ADGRL3: variants seen among roughly 807,000 people sequenced by gnomAD.
ADGRL3 encodes calcium-independent alpha-latrotoxin receptor 3.
A neutral mutation model predicts 153.5 loss-of-function variants in ADGRL3; 62 were observed. The observed-to-expected ratio is 0.40, with a 90% CI of 0.33 to 0.50. The LOEUF (loss-of-function observed/expected upper bound fraction) is 0.50. ADGRL3 is among the 20% of genes least tolerant of loss of function. The pLI, the probability that ADGRL3 is intolerant of heterozygous loss-of-function variation, is 0.47. For synonymous variants in ADGRL3, 710 were observed against 672.5 expected (o/e 1.06, Z -0.86); for missense variants, 1,641 against 1,859.4 (o/e 0.88, Z 2.16).
intron 11 of ADGRL3, 61 bp downstream of exon 11, chr4:61,895,895 AGCTGTTGG>A: frequency 1.1e-6 from 1 of 897,296 alleles, no homozygotes; most frequent in Admixed American, 3.2e-5. Flanking sequence ...TGTTGATGAT[AGCTGTTGG>A]AAAAAAAACA....
intron 1 of ADGRL3, among the ~76,000 whole-genome samples, chr4:61,227,742 A>G (rs1748636374): frequency 1.3e-5 from 2 of 152,206 alleles, no homozygotes; most frequent in Admixed American, 6.5e-5. Flanking sequence ...TCAAAGGGTA[A>G]TAAGCCATTA....
At chr4:62,028,214 T>G (rs1016306332) in intron 21 of ADGRL3, among the ~76,000 whole-genome samples, 5 of 152,028 alleles carry the variant, frequency 3.3e-5, no homozygotes, top group Admixed American at 2.6e-4. Flanking sequence ...CCAAATGATA[T>G]TAAAAAATTA....
chr4:61,451,034 A>G (rs2097667176), intron 2 of ADGRL3, among the ~76,000 whole-genome samples: 1 of 152,138 alleles, frequency 6.6e-6, no homozygotes, highest in Non-Finnish European at 1.5e-5. Flanking sequence ...CCATTTTGTG[A>G]GCACTTACTG....
chr4:61,358,960 T>A (rs2096240320), intron 1 of ADGRL3, among the ~76,000 whole-genome samples: 1 of 152,178 alleles, frequency 6.6e-6, no homozygotes, highest in Non-Finnish European at 1.5e-5. Context: ...CCAACTAATA[T>A]GTCCAAAGCT....
chr4:62,015,058 T>C (rs1187711665), intron 21 of ADGRL3, among the ~76,000 whole-genome samples: 1 of 152,174 alleles, frequency 6.6e-6, no homozygotes, highest in Non-Finnish European at 1.5e-5. Flanking sequence ...GACAAAAGAC[T>C]GTATTAAATC....
At chr4:61,813,735 T>TATCA in intron 8 of ADGRL3, 74 bp from the exon 9 acceptor site, 1 of 1,552,464 alleles carries the variant, frequency 6.4e-7, no homozygotes, top group Non-Finnish European at 8.8e-7. Context: ...AATAGTGTTA[T>TATCA]ATCATAAAAA....
At chr4:61,370,676 T>C (rs1020241459) in intron 1 of ADGRL3, among the ~76,000 whole-genome samples, 2 of 151,852 alleles carry the variant, frequency 1.3e-5, no homozygotes, top group African/African-American at 4.8e-5. Flanking sequence ...GGAATAGGTG[T>C]GGTATGGTGC....
At chr4:61,986,491 C>T (rs1325755622) in intron 19 of ADGRL3, among the ~76,000 whole-genome samples, 1 of 152,052 alleles carries the variant, frequency 6.6e-6, no homozygotes, top group Non-Finnish European at 1.5e-5. Flanking sequence ...AAGCTTTGGC[C>T]ATCATTGCTT....
intron 8 of ADGRL3, among the ~76,000 whole-genome samples, chr4:61,790,086 G>A (rs928407866): frequency 2.6e-5 from 4 of 152,128 alleles, no homozygotes; most frequent in Non-Finnish European, 5.9e-5. Flanking sequence ...TGTTTTTATA[G>A]CAAAGTTAAC....
intron 2 of ADGRL3, among the ~76,000 whole-genome samples, chr4:61,446,818 C>T (rs1396581333): frequency 6.6e-6 from 1 of 152,094 alleles, no homozygotes; most frequent in Non-Finnish European, 1.5e-5. Flanking sequence ...GTTTTTGAAC[C>T]TGTACCCATT....
At chr4:61,753,264 C>T (rs373677580) in intron 8 of ADGRL3, among the ~76,000 whole-genome samples, 3 of 148,526 alleles carry the variant, frequency 2.0e-5, no homozygotes, top group South Asian at 4.3e-4. Flanking sequence ...AAAAAGATAA[C>T]TGGTTAGAAC....
At chr4:61,886,927 G>A (rs1028510481) in intron 9 of ADGRL3, among the ~76,000 whole-genome samples, 16 of 151,652 alleles carry the variant, frequency 1.1e-4, no homozygotes, top group East Asian at 5.8e-4. Flanking sequence ...GAGTACAGGC[G>A]TGAACCACTA....
At chr4:61,896,690 C>A (rs2098633592) in intron 11 of ADGRL3, among the ~76,000 whole-genome samples, 1 of 152,174 alleles carries the variant, frequency 6.6e-6, no homozygotes, top group African/African-American at 2.4e-5. Context: ...TACCCTAAAT[C>A]ATGGAAGAAT....
intron 2 of ADGRL3, among the ~76,000 whole-genome samples, chr4:61,494,580 T>C (rs1269831217): frequency 6.6e-6 from 1 of 152,184 alleles, no homozygotes; most frequent in African/African-American, 2.4e-5. Context: ...TGAGAATAGA[T>C]TTTCAGGTTT....
rs869176171 is a variant in ADGRL3 at position 61,391,855 on chromosome 4, C to CTTTTTTTTTTTTTTTTTTTT, written c.-174+8669_-174+8688dup. Among the ~76,000 whole-genome samples the CTTTTTTTTTTTTTTTTTTTT allele has an allele frequency of 7.5e-5, 7 of 93,656 alleles. 2 individuals carry two copies. Among genetic ancestry groups the CTTTTTTTTTTTTTTTTTTTT allele is most frequent in the Non-Finnish European group, 1.2e-4 (6 of 49,102 alleles). 61.4% of individuals were successfully genotyped at this position (93,656 alleles called of 152,430 possible). The stretch of plus-strand genomic sequence containing the variant: ...AAAATTATCCAAGTGAAAAATGCTA[C>CTTTTTTTTTTTTTTTTTTTT]TTTTTTTTTTTTTTTTTTTTTTGAG... On this transcript the variant is annotated intron_variant, in intron 2 of 26. Coordinates refer to ENST00000683033, the MANE Select transcript of ADGRL3 (RefSeq NM_001387552.1).
chr4:61,722,664 A>G (rs2151664862), intron 6 of ADGRL3, among the ~76,000 whole-genome samples: 1 of 152,356 alleles, frequency 6.6e-6, no homozygotes, highest in South Asian at 2.1e-4. Flanking sequence ...TGTAGAAAAT[A>G]CGTCAAATAT....
chr4:61,307,511 A>G (rs2094837243), intron 1 of ADGRL3, among the ~76,000 whole-genome samples: 1 of 152,170 alleles, frequency 6.6e-6, no homozygotes, highest in African/African-American at 2.4e-5. Flanking sequence ...TACTTTTTTA[A>G]ATTATATTTT....
At chr4:61,893,638 C>T (rs1319494473) in intron 10 of ADGRL3, among the ~76,000 whole-genome samples, 1 of 151,562 alleles carries the variant, frequency 6.6e-6, no homozygotes, top group Non-Finnish European at 1.5e-5. Context: ...GGCACTCACT[C>T]ATGCATCCAC....
intron 1 of ADGRL3, chr4:61,211,610 G>A (rs1299484779): frequency 1.3e-5 from 2 of 152,132 alleles, no homozygotes; most frequent in African/African-American, 4.8e-5. Context: ...ATTGAAAATG[G>A]GTTTACCCTT....
Sources: gnomAD v4.1 joint callset for allele counts (sites outside exome capture counted in the v4.1 genomes callset) on GRCh38, gnomAD v4.1.1 for gene constraint, MANE v1.5 for transcripts, NCBI Gene and HGNC (gene_info 2026-07-23, HGNC 2026-07-21) for gene names.